The following SCNN1G variants were observed in gnomAD, a reference collection of about 807,000 sequenced individuals.
SCNN1G encodes the protein sodium channel epithelial 1 subunit gamma, also known as epithelial sodium channel subunit gamma.
In SCNN1G, 27 loss-of-function variants were observed where a neutral mutation model predicts 64.6. That is an observed-to-expected ratio of 0.42 (90% confidence interval 0.31 to 0.58). SCNN1G has a LOEUF of 0.58. Among genes scored for constraint, SCNN1G ranks in the 20% least tolerant of loss-of-function variants. The pLI, the probability that SCNN1G is intolerant of heterozygous loss-of-function variation, is 0.18. For missense variants in SCNN1G, 743 were observed against 823.4 expected, an observed-to-expected ratio of 0.90 and a Z score of 1.19; for synonymous variants, 330 against 314.2, an observed-to-expected ratio of 1.05 and a Z score of -0.53.
In SCNN1G at chr16:23,189,449, A is replaced by G. The variant is rs1185290623; in HGVS notation, c.396A>G (p.Pro132=). 1 of 1,614,196 alleles carries G rather than the reference A, an allele frequency of 6.2e-7. No homozygotes were observed. The highest frequency in any genetic ancestry group is 1.1e-5 in the South Asian group (1 of 91,078). Residue 132 remains proline (P), a synonymous_variant, in exon 3 of 13, where the codon CCA becomes CCG. Coordinates refer to ENST00000300061, the MANE Select transcript of SCNN1G (RefSeq NM_001039.4). ...REALKSLYGF[P]ESRKRREAES... ...CCCTGAAGTCCCTGTATGGCTTTCC[A>G]GAGTCCCGGAAGCGCCGAGAGGCGG...
At position 23,189,463 on chromosome 16, in the gene SCNN1G, G is replaced by A. The variant is rs752038199; in HGVS notation, c.410G>A (p.Arg137His). 2.2e-5 allele frequency: 36 copies of A among 1,614,060 alleles called. No individual in the cohort carries two copies. Among genetic ancestry groups the A allele is most frequent in the Admixed American group, 1.3e-4 (8 of 60,014 alleles). ...SLYGFPESRK[R>H]REAESWNSVS... ...TATGGCTTTCCAGAGTCCCGGAAGC[G>A]CCGAGAGGCGGAGTCCTGGAACTCC... Residue 137 changes from arginine to histidine, a missense_variant, in exon 3 of 13, where the codon CGC becomes CAC. Transcript: ENST00000300061.
chr16:23,213,208 C>T, intron 11 of SCNN1G, 45 bp downstream of exon 11: 1 of 1,410,966 alleles, frequency 7.1e-7, no homozygotes, highest in South Asian at 1.1e-5. Flanking sequence ...CCACCACAGC[C>T]CCCAGCCTTC....
rs145602271 is a variant in SCNN1G at position 23,189,530 on chromosome 16, G to C, written c.477G>C (p.Pro159=). 6.2e-7 allele frequency: 1 copy of C among 1,614,250 alleles called. No individual in the cohort carries two copies. Among genetic ancestry groups the C allele is most frequent in the Non-Finnish European group, 8.5e-7 (1 of 1,180,044 alleles). Residue 159 remains proline (P), a synonymous_variant, in exon 3 of 13, where the codon CCG becomes CCC. Coordinates refer to ENST00000300061, the MANE Select transcript of SCNN1G (RefSeq NM_001039.4). ...GKQPRFSHRI[P]LLIFDQDEKG... is the part of the protein sequence containing the mutation. ...AGCCTAGATTCTCCCACCGGATTCC[G>C]CTGCTGATCTTTGATCAGGATGAGA... is the stretch of plus-strand genomic sequence containing the variant.
chr16:23,215,434 C>A lies in SCNN1G; in HGVS notation c.1915C>A (p.Gln639Lys). 1.2e-6 allele frequency: 2 copies of A among 1,612,980 alleles called. No homozygotes were observed. Among genetic ancestry groups the A allele is most frequent in the Non-Finnish European group, 1.7e-6 (2 of 1,180,038 alleles). The change falls in exon 13 of 13, where the codon CAG becomes AAG. Residue 639 changes from glutamine (Q) to lysine (K), a missense_variant. Gln to Lys is a moderately conservative substitution (Grantham distance 53). Transcript: ENST00000300061. ...GCGCTTGGAGAGGGCCTTTTCCAACCAGCTCACAGATACCCAGATGCTGGA... is the reference window on the plus strand; with the variant it reads ...GCGCTTGGAGAGGGCCTTTTCCAACAAGCTCACAGATACCCAGATGCTGGA... ...TLRLERAFSN[Q>K]LTDTQMLDEL
At chr16:23,204,002 G>A (rs1005485778) in intron 6 of SCNN1G, among the ~76,000 whole-genome samples, 5 of 151,670 alleles carry the variant, frequency 3.3e-5, no homozygotes, top group Admixed American at 3.3e-4. Flanking sequence ...GCTTGGCTGA[G>A]GGCAGTGACT....
rs745585385 is a variant in SCNN1G, at chr16:23,215,423, C to T, written c.1904C>T (p.Ala635Val). 4 of 1,613,456 alleles carry T rather than the reference C, an allele frequency of 2.5e-6. No individual in the cohort carries two copies. Among genetic ancestry groups the T allele is most frequent in the Middle Eastern group, 1.6e-4 (1 of 6,062 alleles). The change falls in exon 13 of 13, where the codon GCC becomes GTC. Residue 635 changes from alanine (A) to valine (V), a missense_variant. Ala to Val is a moderately conservative substitution (Grantham distance 64, BLOSUM62 0). Transcript: ENST00000300061. ...PKYNTLRLER[A>V]FSNQLTDTQM... ...TACAATACCTTGCGCTTGGAGAGGG[C>T]CTTTTCCAACCAGCTCACAGATACC...
chr16:23,209,887 G>T, intron 7 of SCNN1G, 39 bp downstream of exon 7: 1 of 1,443,820 alleles, frequency 6.9e-7, no homozygotes, highest in South Asian at 1.1e-5. Flanking sequence ...TGGGTTTATG[G>T]CCCGGACCCA....
chr16:23,197,193 G>A lies in SCNN1G; in HGVS notation c.914-71G>A, dbSNP rs554364898. 6.3e-5 allele frequency: 82 copies of A among 1,293,402 alleles called. No individual in the cohort carries two copies. In the South Asian group the frequency reaches 9.6e-4, roughly 15 times the overall value. The allele number at this position is 1,293,402 out of a possible 1,614,324, so 80.1% of individuals were successfully genotyped here. ...TTGGGTTTGAAGCTCCTGAAGCAGT[G>A]GGAGAGGTGGTTTACCCCCAGGAAA... On this transcript the variant is annotated intron_variant, in intron 5 of 12. Coordinates refer to ENST00000300061, the MANE Select transcript of SCNN1G (RefSeq NM_001039.4).
chr16:23,215,592 G>A lies in SCNN1G; in HGVS notation c.*123G>A. ...CCACTCTGGGCTTTTCAGATACTCT[G>A]ACCAAAAAGCCTGCTTTAAACCGCA... On this transcript the variant is annotated 3_prime_UTR_variant, in exon 13 of 13. Transcript: ENST00000300061. 1.6e-6 allele frequency: 2 copies of A among 1,249,176 alleles called. No homozygotes were observed. Among genetic ancestry groups the A allele is most frequent in the Non-Finnish European group, 2.3e-6 (2 of 875,104 alleles). 77.4% of individuals were successfully genotyped at this position (1,249,176 alleles called of 1,614,324 possible).
intron 6 of SCNN1G, among the ~76,000 whole-genome samples, chr16:23,205,875 C>G (rs1017489282): frequency 2.0e-5 from 3 of 152,272 alleles, no homozygotes; most frequent in African/African-American, 7.2e-5. Context: ...AAAAGCCCCC[C>G]ACCCACCCCC....
At chr16:23,203,700 G>A (rs961442667) in intron 6 of SCNN1G, among the ~76,000 whole-genome samples, 1 of 147,108 alleles carries the variant, frequency 6.8e-6, no homozygotes, top group African/African-American at 2.5e-5. Flanking sequence ...AACCCGGGAG[G>A]TGGAGCTTGC....
Position 23,192,353 on chromosome 16 carries a change from G to C in SCNN1G, c.620G>C (p.Cys207Ser), listed in dbSNP as rs1443351431. The C allele has an allele frequency of 6.2e-7, 1 of 1,613,670 alleles. No homozygotes were observed. The highest frequency in any genetic ancestry group is 1.7e-5 in the Admixed American group (1 of 60,004). Residue 207 changes from cysteine to serine, a missense_variant and splice_region_variant, in exon 4 of 13, where the codon TGC becomes TCC. Physicochemically the swap from Cys to Ser is moderately radical, Grantham distance 112. Transcript: ENST00000300061. ...CCTCGCATCTCCTCTTATTCACAGTGCTCAAATGACACCTCCGACTGTGCC... is the reference window on the plus strand; with the variant it reads ...CCTCGCATCTCCTCTTATTCACAGTCCTCAAATGACACCTCCGACTGTGCC... Reference protein sequence around the residue: ...ESKQVVGFQLCSNDTSDCATY... With the variant: ...ESKQVVGFQLSSNDTSDCATY...
chr16:23,189,821 C>T, intron 3 of SCNN1G, 150 bp downstream of exon 3: 1 of 886,754 alleles, frequency 1.1e-6, no homozygotes, highest in East Asian at 2.5e-5. Flanking sequence ...CTTGTAATCC[C>T]AGCGCTTTGG....
intron 12 of SCNN1G, 117 bp from the exon 13 acceptor site, chr16:23,214,972 C>T (rs1280522544): frequency 4.6e-6 from 6 of 1,307,934 alleles, no homozygotes; most frequent in South Asian, 1.2e-5. Context: ...CTGCTTCTTC[C>T]TCCCAGCCTG....
At chr16:23,192,599 G>C in intron 4 of SCNN1G, 57 bp downstream of exon 4, 2 of 1,405,924 alleles carry the variant, frequency 1.4e-6, no homozygotes, top group Non-Finnish European at 2.0e-6. Flanking sequence ...TGAGTACCAG[G>C]CCCCTTGCAG....
chr16:23,213,251 T>TA, intron 11 of SCNN1G, 88 bp downstream of exon 11: 7 of 664,506 alleles, frequency 1.1e-5, no homozygotes, highest in Non-Finnish European at 1.8e-5. Flanking sequence ...GGCCAAATCC[T>TA]CTTTTTTTTT....
intron 6 of SCNN1G, among the ~76,000 whole-genome samples, chr16:23,208,050 A>C (rs1259949042): frequency 2.0e-5 from 3 of 152,230 alleles, no homozygotes; most frequent in African/African-American, 7.2e-5. Flanking sequence ...TAAACTGGTC[A>C]CTATTTATCT....
rs572516300 is a variant in SCNN1G, at chr16:23,215,771, G to C, written c.*302G>C. Reference sequence around the variant, plus strand: ...GTGGTGCTGGCCCAAGTGAAGGCCAGAGTGAGGACTGATGCAGCTCTTTAC... The same window carrying C: ...GTGGTGCTGGCCCAAGTGAAGGCCACAGTGAGGACTGATGCAGCTCTTTAC... On this transcript the variant is annotated 3_prime_UTR_variant, in exon 13 of 13. Transcript: ENST00000300061. 2.9e-5 allele frequency: 14 copies of C among 484,104 alleles called. No homozygotes were observed. The highest frequency in any genetic ancestry group is 5.3e-5 in the Non-Finnish European group (14 of 263,992). 30.0% of individuals were successfully genotyped at this position (484,104 alleles called of 1,614,324 possible). A position where few individuals can be genotyped will look rare whatever the true frequency, so the allele number is the denominator to read the frequency against.
chr16:23,184,216 C>T (rs1047145214), intron 1 of SCNN1G, among the ~76,000 whole-genome samples: 2 of 152,104 alleles, frequency 1.3e-5, no homozygotes, highest in African/African-American at 4.8e-5. Flanking sequence ...CTGACATTGT[C>T]GACTGATCCA....
Sources: gnomAD v4.1 joint callset for allele counts (sites outside exome capture counted in the v4.1 genomes callset) on GRCh38, gnomAD v4.1.1 for gene constraint, MANE v1.5 for transcripts, NCBI Gene and HGNC (gene_info 2026-07-23, HGNC 2026-07-21) for gene names.